The following LDLRAP1 variants were observed in gnomAD, a reference collection of about 807,000 sequenced individuals.
The protein encoded by LDLRAP1 is low density lipoprotein receptor adaptor protein 1, also known as low density lipoprotein receptor adapter protein 1.
LDLRAP1 carries 30 observed loss-of-function variants against 37.8 expected under a neutral mutation model. The observed-to-expected ratio is 0.79, with a 90% confidence interval of 0.59 to 1.08. LDLRAP1 has a LOEUF of 1.08. Ranked by LOEUF, LDLRAP1 falls within the 50% of genes least tolerant of loss-of-function variation. The pLI is 0.00. For synonymous variants in LDLRAP1, 156 were observed against 169.8 expected (o/e 0.92, Z 0.63); for missense variants, 375 against 401.6 (o/e 0.93, Z 0.57).
chr1:25,550,997 G>T (rs1229838418), intron 1 of LDLRAP1, among the ~76,000 whole-genome samples: 1 of 152,172 alleles, frequency 6.6e-6, no homozygotes, highest in Non-Finnish European at 1.5e-5. Flanking sequence ...TGGGAGAATG[G>T]GGACATGAAA....
chr1:25,564,131 C>T (rs1398356719), intron 7 of LDLRAP1: 14 of 368,770 alleles, frequency 3.8e-5, no homozygotes, highest in Non-Finnish European at 5.8e-5. Context: ...CCCCCTCAGC[C>T]GCCTGAATGA....
chr1:25,546,373 G>T (rs887623803), intron 1 of LDLRAP1, among the ~76,000 whole-genome samples: 3 of 152,206 alleles, frequency 2.0e-5, no homozygotes, highest in African/African-American at 7.2e-5. Flanking sequence ...GAGAAGGGCA[G>T]CACCTTGCCT....
the LDLRAP1 span, among the ~76,000 whole-genome samples, chr1:25,583,366 CT>C: frequency 4.0e-5 from 6 of 151,462 alleles, no homozygotes; most frequent in Non-Finnish European, 7.4e-5. Flanking sequence ...ATTTTTTATA[CT>C]TTTTTAGTAG....
chr1:25,547,257 C>T (rs565948573), intron 1 of LDLRAP1, among the ~76,000 whole-genome samples: 12 of 152,030 alleles, frequency 7.9e-5, no homozygotes, highest in Admixed American at 6.6e-4. Context: ...CCAAGGTGGG[C>T]AGATCACCTG....
At chr1:25,564,156 G>A (rs1195050614) in intron 7 of LDLRAP1, 1 of 355,360 alleles carries the variant, frequency 2.8e-6, no homozygotes, top group Non-Finnish European at 5.5e-6. Context: ...CCAGAGACTT[G>A]GGCAGTCACC....
At chr1:25,553,806 G>T in intron 1 of LDLRAP1, 116 bp from the exon 2 acceptor site, 1 of 1,208,206 alleles carries the variant, frequency 8.3e-7, no homozygotes, top group Non-Finnish European at 1.2e-6. Flanking sequence ...CAGTAGTGGT[G>T]GGGGAGACCC....
the LDLRAP1 span, among the ~76,000 whole-genome samples, chr1:25,587,256 A>G: frequency 6.6e-6 from 1 of 152,072 alleles, no homozygotes; most frequent in African/African-American, 2.4e-5. Context: ...GGCTCAAGCT[A>G]TCCTCCTGCC....
At chr1:25,557,091 G>A (rs1410493256) in intron 3 of LDLRAP1, 62 bp from the exon 4 acceptor site, 1 of 1,247,314 alleles carries the variant, frequency 8.0e-7, no homozygotes, top group Non-Finnish European at 1.2e-6. Context: ...GCCCTGCAGG[G>A]CTTCCCACAT....
At chr1:25,553,892 G>T (rs2044136076) in intron 1 of LDLRAP1, 30 bp from the exon 2 acceptor site, 2 of 1,611,674 alleles carry the variant, frequency 1.2e-6, no homozygotes, top group South Asian at 2.2e-5. Flanking sequence ...TGAGCCGCAG[G>T]GTCTGAGGGC....
the LDLRAP1 span, among the ~76,000 whole-genome samples, chr1:25,583,744 TC>T: frequency 2.6e-5 from 4 of 152,100 alleles, no homozygotes; most frequent in Admixed American, 1.3e-4. Flanking sequence ...TAGTTTCCCA[TC>T]CCTATCCATT....
At chr1:25,579,928 C>T in the LDLRAP1 span, among the ~76,000 whole-genome samples, 2 of 152,186 alleles carry the variant, frequency 1.3e-5, no homozygotes, top group African/African-American at 4.8e-5. Flanking sequence ...AAACCCACCC[C>T]CTCCAACCAA....
chr1:25,576,492 CTCTAGCCT>C, the LDLRAP1 span, among the ~76,000 whole-genome samples: 11 of 152,194 alleles, frequency 7.2e-5, no homozygotes, highest in African/African-American at 2.7e-4. Flanking sequence ...TGCCACTGCG[CTCTAGCCT>C]GGTCAACAAG....
chr1:25,574,537 G>T, the LDLRAP1 span, among the ~76,000 whole-genome samples: 1 of 152,228 alleles, frequency 6.6e-6, no homozygotes, highest in Non-Finnish European at 1.5e-5. Flanking sequence ...AGCTGCCTGG[G>T]TTTGGTGGTG....
In LDLRAP1 at chr1:25,555,198, C is replaced by T. The variant is rs368310780; in HGVS notation, c.344+226C>T. ...TGAGCATTTGGTTAAGTGGCAGCTG[C>T]TGCTGTCATCATCACCAGTTGCAGA... On this transcript the variant is annotated intron_variant, in intron 3 of 8. Coordinates refer to ENST00000374338, the MANE Select transcript of LDLRAP1 (RefSeq NM_015627.3). The surrounding 1 kb of genome is among the most constrained non-coding windows in gnomAD (Gnocchi z 4.7). Among the ~76,000 whole-genome samples, 279 of 152,358 alleles carry T rather than the reference C, an allele frequency of 1.8e-3. 1 individual carries two copies. The highest frequency in any genetic ancestry group is 6.4e-3 in the African/African-American group (267 of 41,578).
chr1:25,546,040 C>T (rs1357392789), intron 1 of LDLRAP1, among the ~76,000 whole-genome samples: 1 of 152,148 alleles, frequency 6.6e-6, no homozygotes. Flanking sequence ...TACCAGTGTG[C>T]TTGGTGAACT....
chr1:25,558,572 C>T (rs1159027504), intron 4 of LDLRAP1, among the ~76,000 whole-genome samples: 2 of 152,068 alleles, frequency 1.3e-5, no homozygotes, highest in Non-Finnish European at 2.9e-5. Context: ...TTTCTACCTC[C>T]CAGAGACTGA....
chr1:25,547,634 G>A (rs555475918), intron 1 of LDLRAP1, among the ~76,000 whole-genome samples: 150 of 152,242 alleles, frequency 9.9e-4, no homozygotes, highest in African/African-American at 3.6e-3. Flanking sequence ...GGCAGTTCCC[G>A]GAAGCCCGGT....
At chr1:25,580,158 G>A in the LDLRAP1 span, among the ~76,000 whole-genome samples, 4 of 152,142 alleles carry the variant, frequency 2.6e-5, no homozygotes, top group African/African-American at 4.8e-5. Context: ...TCTGTTCTCC[G>A]CAGATTCAGG....
the LDLRAP1 span, among the ~76,000 whole-genome samples, chr1:25,576,794 C>T: frequency 6.6e-6 from 1 of 152,258 alleles, no homozygotes; most frequent in Non-Finnish European, 1.5e-5. Flanking sequence ...TCAGTGGAAA[C>T]TGAGATGGGG....
Sources: allele counts gnomAD v4.1 joint callset (sites outside exome capture counted in the v4.1 genomes callset), GRCh38; gene constraint gnomAD v4.1.1; non-coding constraint Gnocchi (gnomAD v3.1); transcripts MANE v1.5; gene names NCBI Gene and HGNC (gene_info 2026-07-23, HGNC 2026-07-21).